Variants in HS6ST2 observed in about 807,000 individuals in gnomAD.
HS6ST2 encodes the protein heparan sulfate 6-O-sulfotransferase 2, also known as heparan-sulfate 6-O-sulfotransferase 2.
A neutral mutation model predicts 33.0 loss-of-function variants in HS6ST2; 17 were observed. The ratio of observed to expected loss-of-function variants is 0.52; its 90% CI spans 0.35 to 0.77. HS6ST2 has a LOEUF of 0.77. Among genes scored for constraint, HS6ST2 ranks in the 30% least tolerant of loss-of-function variants. The pLI is 0.01. For missense variants in HS6ST2, 519 were observed against 551.7 expected (o/e 0.94, Z 0.59); for synonymous variants, 248 against 237.1 (o/e 1.05, Z -0.42).
At position 132,883,144 on chromosome X, in the gene HS6ST2, A is replaced by G. The variant is rs867448211; in HGVS notation, c.947+73664T>C. ...GTATCAGGATGATGTTGGCCTCATA[A>G]AATGAGTTAGGGAGGATTCCCTCTT... On this transcript the variant is annotated intron_variant, in intron 2 of 4. Transcript: ENST00000370833. Among the ~76,000 whole-genome samples, 55 of 111,480 alleles carry G rather than the reference A, an allele frequency of 4.9e-4. 2 individuals are homozygous for G. The highest frequency in any genetic ancestry group is 7.7e-4 in the South Asian group (2 of 2,612).
chrX:132,871,351 C>T (rs2066055226), intron 2 of HS6ST2, among the ~76,000 whole-genome samples: 1 of 112,147 alleles, frequency 8.9e-6, no homozygotes, highest in African/African-American at 3.2e-5. Context: ...ATTAGTTCAA[C>T]CATTGTGGAA....
intron 2 of HS6ST2, among the ~76,000 whole-genome samples, chrX:132,734,470 G>A (rs1396248240): frequency 9.0e-6 from 1 of 111,644 alleles, no homozygotes; most frequent in East Asian, 2.8e-4. Flanking sequence ...AAAATGGGAG[G>A]TGAAATAAAG....
intron 2 of HS6ST2, among the ~76,000 whole-genome samples, chrX:132,903,736 G>T (rs1476950594): frequency 8.9e-6 from 1 of 111,857 alleles, no homozygotes; most frequent in African/African-American, 3.2e-5. Context: ...CCATTATTTT[G>T]CAGCATAAAA....
chrX:132,779,131 C>T (rs959891810), intron 2 of HS6ST2, among the ~76,000 whole-genome samples: 1 of 111,778 alleles, frequency 8.9e-6, no homozygotes, highest in African/African-American at 3.3e-5. Flanking sequence ...CTGGTGGCAA[C>T]TCAGGCTGGA....
intron 2 of HS6ST2, among the ~76,000 whole-genome samples, chrX:132,930,917 C>A (rs1425401190): frequency 9.0e-6 from 1 of 111,008 alleles, no homozygotes; most frequent in Non-Finnish European, 1.9e-5. Flanking sequence ...AAATAGGACC[C>A]AGCATCCCTG....
chrX:132,825,892 T>A (rs1452622377), intron 2 of HS6ST2, among the ~76,000 whole-genome samples: 2 of 112,177 alleles, frequency 1.8e-5, no homozygotes, highest in African/African-American at 6.5e-5. Context: ...AATGCTTCTG[T>A]AGATGTGTTC....
At chrX:132,632,089 C>A (rs1254839381) in intron 4 of HS6ST2, among the ~76,000 whole-genome samples, 1 of 110,758 alleles carries the variant, frequency 9.0e-6, no homozygotes, top group Non-Finnish European at 1.9e-5. Flanking sequence ...TCAGTGTCTA[C>A]ACTGTAGGGA....
At chrX:132,955,772 C>T (rs778587461) in intron 2 of HS6ST2, among the ~76,000 whole-genome samples, 1 of 112,579 alleles carries the variant, frequency 8.9e-6, no homozygotes, top group South Asian at 3.7e-4. Context: ...ACCCACTTTA[C>T]AGTACTGCAT....
At chrX:132,831,714 G>A (rs1288463222) in intron 2 of HS6ST2, among the ~76,000 whole-genome samples, 1 of 112,225 alleles carries the variant, frequency 8.9e-6, no homozygotes, top group African/African-American at 3.2e-5. Context: ...AAGCCACCCA[G>A]GGCAACAATG....
At chrX:132,715,372 G>A (rs1015498656) in intron 2 of HS6ST2, among the ~76,000 whole-genome samples, 2 of 112,172 alleles carry the variant, frequency 1.8e-5, no homozygotes, top group African/African-American at 6.5e-5. Context: ...GGAGTTCAAG[G>A]CTGCAGTGAG....
At chrX:132,789,173 G>A (rs1181626913) in intron 2 of HS6ST2, among the ~76,000 whole-genome samples, 3 of 111,640 alleles carry the variant, frequency 2.7e-5, no homozygotes, top group African/African-American at 9.8e-5. Flanking sequence ...TGGCTTCAAA[G>A]CTTCAACGAA....
At chrX:132,763,568 T>C (rs150562674) in intron 2 of HS6ST2, among the ~76,000 whole-genome samples, 1,378 of 112,253 alleles carry the variant, frequency 0.012, 25 homozygotes, top group African/African-American at 0.043. Flanking sequence ...GTTCAGGAGC[T>C]TTTAAGATGG....
chrX:132,672,208 T>G (rs1255026299), intron 3 of HS6ST2, among the ~76,000 whole-genome samples: 1 of 109,736 alleles, frequency 9.1e-6, no homozygotes, highest in African/African-American at 3.3e-5. Flanking sequence ...TGCCAAGAAC[T>G]CTGGTCACTG....
chrX:132,842,958 G>A (rs989395505), intron 2 of HS6ST2, among the ~76,000 whole-genome samples: 1 of 112,161 alleles, frequency 8.9e-6, no homozygotes, highest in East Asian at 2.8e-4. Context: ...ACACAAGGAT[G>A]TTCTTGCTTG....
chrX:132,655,519 A>G (rs773746886), intron 4 of HS6ST2, among the ~76,000 whole-genome samples: 2 of 111,609 alleles, frequency 1.8e-5, no homozygotes, highest in East Asian at 5.6e-4. Context: ...AAGGTACTAG[A>G]GCTGGGATAG....
At chrX:132,639,421 G>A (rs1353868722) in intron 4 of HS6ST2, among the ~76,000 whole-genome samples, 1 of 111,503 alleles carries the variant, frequency 9.0e-6, no homozygotes, top group East Asian at 2.8e-4. Flanking sequence ...TGTGAGTCTT[G>A]GTTCATTAAT....
intron 2 of HS6ST2, among the ~76,000 whole-genome samples, chrX:132,919,823 G>A (rs1382970150): frequency 8.9e-6 from 1 of 111,764 alleles, no homozygotes. Context: ...TCTTCTCACT[G>A]AAACGATTTA....
chrX:132,883,749 A>C (rs2066212517), intron 2 of HS6ST2, among the ~76,000 whole-genome samples: 1 of 111,231 alleles, frequency 9.0e-6, no homozygotes, highest in African/African-American at 3.3e-5. Context: ...GGACTTCAGC[A>C]GCTCCAAATG....
intron 3 of HS6ST2, among the ~76,000 whole-genome samples, chrX:132,687,538 G>A (rs1164022159): frequency 1.8e-5 from 2 of 109,851 alleles, no homozygotes; most frequent in African/African-American, 3.3e-5. Context: ...AGTGGCAGCT[G>A]GCGGATCAAT....
Sources: allele counts gnomAD v4.1 joint callset (sites outside exome capture counted in the v4.1 genomes callset), GRCh38; gene constraint gnomAD v4.1.1; transcripts MANE v1.5; gene names NCBI Gene and HGNC (gene_info 2026-07-23, HGNC 2026-07-21).